Variants in RAP1GAP2 observed in about 807,000 individuals in gnomAD.
The protein encoded by RAP1GAP2 is rap1 GTPase-activating protein 2.
RAP1GAP2 carries 27 observed loss-of-function variants against 95.0 expected under a neutral mutation model. That is an observed-to-expected ratio of 0.28 (90% CI 0.21 to 0.39). The LOEUF is 0.39. RAP1GAP2 is among the 10% of genes least tolerant of loss of function. The pLI is 1.00. For synonymous variants in RAP1GAP2, 373 were observed against 380.9 expected (o/e 0.98, Z 0.24); for missense variants, 771 against 970.0 (o/e 0.79, Z 2.72).
intron 3 of RAP1GAP2, among the ~76,000 whole-genome samples, chr17:2,905,926 G>C (rs1267595091): frequency 6.6e-6 from 1 of 152,204 alleles, no homozygotes; most frequent in Non-Finnish European, 1.5e-5. Context: ...CTCACTCCTG[G>C]ACGGGAGCCG....
At position 2,905,266 on chromosome 17, in the gene RAP1GAP2, C is replaced by G. The variant is rs1371229480; in HGVS notation, c.81-18C>G. 3.7e-6 allele frequency: 6 copies of G among 1,612,846 alleles called. No individual in the cohort carries two copies. Among genetic ancestry groups the G allele is most frequent in the Non-Finnish European group, 5.1e-6 (6 of 1,179,228 alleles). On this transcript the variant is annotated intron_variant, in intron 2 of 24. Transcript: ENST00000254695. ...GGCGCAGGCAGGTCCTCACTCACCT[C>G]TTTTGGCCTCTTCACAGGAAGCAGG...
At chr17:2,974,281 G>A (rs377394319) in intron 8 of RAP1GAP2, among the ~76,000 whole-genome samples, 134 of 151,880 alleles carry the variant, frequency 8.8e-4, no homozygotes, top group African/African-American at 2.1e-3. Flanking sequence ...CCCAGGAGGC[G>A]GAGCTTGTAG....
chr17:2,779,089 C>G (rs1358775029), intron 1 of RAP1GAP2, among the ~76,000 whole-genome samples: 3 of 152,164 alleles, frequency 2.0e-5, no homozygotes, highest in Non-Finnish European at 1.5e-5. Context: ...GAAGCACTGT[C>G]CCATTGCACC....
At chr17:2,853,319 G>A (rs2071962914) in intron 2 of RAP1GAP2, among the ~76,000 whole-genome samples, 2 of 152,038 alleles carry the variant, frequency 1.3e-5, no homozygotes, top group African/African-American at 4.8e-5. Flanking sequence ...GGGACCGCGC[G>A]CGGGCAGTTT....
chr17:3,017,916 C>CGTGTGT (rs56791699), intron 17 of RAP1GAP2, 145 bp from the exon 18 acceptor site: 13,603 of 561,370 alleles, frequency 0.024, 78 homozygotes, highest in South Asian at 0.034. Flanking sequence ...CCTCTGTGAC[C>CGTGTGT]GTGTGTGTGT....
chr17:2,900,801 A>G (rs1567758038), intron 2 of RAP1GAP2, among the ~76,000 whole-genome samples: 1 of 152,244 alleles, frequency 6.6e-6, no homozygotes, highest in Non-Finnish European at 1.5e-5. Context: ...GATGAAGGAA[A>G]CAAGACACAA....
In RAP1GAP2 at chr17:2,796,580, C is replaced by T. The variant is rs1011601070; in HGVS notation, c.44+9C>T. On this transcript the variant is annotated intron_variant, in intron 1 of 24. Coordinates refer to ENST00000254695, the MANE Select transcript of RAP1GAP2 (RefSeq NM_015085.5). The surrounding 1 kb of genome is among the most constrained non-coding windows in gnomAD (Gnocchi z 4.7). ...TTTGGGGGCTTCGGATGGTGGGTGA[C>T]AGGTGGGAGGGTGGGGGAATGATGG... is the stretch of plus-strand genomic sequence containing the variant. 6.4e-7 allele frequency: 1 copy of T among 1,559,784 alleles called. No homozygotes were observed. Among genetic ancestry groups the T allele is most frequent in the Non-Finnish European group, 8.7e-7 (1 of 1,151,584 alleles).
chr17:2,829,019 G>A (rs138852039), intron 2 of RAP1GAP2, among the ~76,000 whole-genome samples: 3,637 of 119,604 alleles, frequency 0.03, 155 homozygotes, highest in African/African-American at 0.11. Flanking sequence ...ACCTCGCTCT[G>A]TCGCCCAGGC....
chr17:2,921,064 C>A (rs575685430), intron 3 of RAP1GAP2, among the ~76,000 whole-genome samples: 2 of 152,292 alleles, frequency 1.3e-5, no homozygotes, highest in African/African-American at 4.8e-5. Context: ...CGGAGCCCCC[C>A]CGGCAGACTC....
chr17:3,020,101 T>G (rs2046904562), intron 18 of RAP1GAP2, among the ~76,000 whole-genome samples: 1 of 152,192 alleles, frequency 6.6e-6, no homozygotes, highest in Non-Finnish European at 1.5e-5. Context: ...TCAGCTTCCT[T>G]GCCGGTAAAG....
Position 3,029,700 on chromosome 17 carries a change from TAAG to T in RAP1GAP2, c.2108-1221_2108-1219del, listed in dbSNP as rs1420822077. On this transcript the variant is annotated intron_variant, in intron 22 of 24. Coordinates refer to ENST00000254695, the MANE Select transcript of RAP1GAP2 (RefSeq NM_015085.5). The surrounding 1 kb of genome is among the most constrained non-coding windows in gnomAD (Gnocchi z 4.4). The stretch of plus-strand genomic sequence containing the variant: ...CCAGCAGCTTCCAGGAAGGCTGCAC[TAAG>T]CTTTCCATACCCTCGGCCAGAGGAC... Among the ~76,000 whole-genome samples, 1 of 152,130 alleles carries T rather than the reference TAAG, an allele frequency of 6.6e-6. No individual in the cohort carries two copies. Among genetic ancestry groups the T allele is most frequent in the Non-Finnish European group, 1.5e-5 (1 of 68,032 alleles).
chr17:3,026,168 CT>C, intron 20 of RAP1GAP2, 47 bp downstream of exon 20: 1 of 1,461,096 alleles, frequency 6.8e-7, no homozygotes, highest in Non-Finnish European at 9.5e-7. Flanking sequence ...ACGTGGAGCC[CT>C]GGAACACGCC....
chr17:2,856,274 G>T (rs2072131406), intron 2 of RAP1GAP2, among the ~76,000 whole-genome samples: 1 of 152,130 alleles, frequency 6.6e-6, no homozygotes, highest in Admixed American at 6.5e-5. Flanking sequence ...TGGTTGGGGG[G>T]TGGAGAGGAA....
At chr17:2,808,630 C>T (rs896432634) in intron 2 of RAP1GAP2, among the ~76,000 whole-genome samples, 4 of 152,152 alleles carry the variant, frequency 2.6e-5, no homozygotes, top group Non-Finnish European at 5.9e-5. Context: ...GAGCACTGGC[C>T]GGTGTGGCCG....
rs61451978 is a variant in RAP1GAP2 at position 2,760,600 on chromosome 17, C to T, written c.50+4833C>T. On this transcript the variant is annotated intron_variant, in intron 1 of 25. Transcript: ENST00000637138. The stretch of plus-strand genomic sequence containing the variant: ...AGGTGATCCATCGACCTTGGCCTCC[C>T]AGAGTGCTGGGATTACAGGCGTGAG... Among the ~76,000 whole-genome samples, 998 of 151,544 alleles carry T rather than the reference C, an allele frequency of 6.6e-3. 8 individuals are homozygous for T. The highest frequency in any genetic ancestry group is 0.023 in the African/African-American group (939 of 41,488).
At position 3,027,550 on chromosome 17, in the gene RAP1GAP2, C is replaced by T. The variant is rs112559941; in HGVS notation, c.2107+480C>T. 0.19 allele frequency among the ~76,000 whole-genome samples: 28,664 copies of T among 151,816 alleles called. 2,862 individuals are homozygous for T. Among genetic ancestry groups the T allele is most frequent in the Middle Eastern group, 0.24 (69 of 292 alleles). ...AGAGAGCGGGTATTCCGGAACTGCA[C>T]GTGTTCATGGCAGCTGGGTTCACAG... is the stretch of plus-strand genomic sequence containing the variant. On this transcript the variant is annotated intron_variant, in intron 22 of 24. Coordinates refer to ENST00000254695, the MANE Select transcript of RAP1GAP2 (RefSeq NM_015085.5). This position sits in a 1 kb window ranked among gnomAD's most constrained non-coding sequence, Gnocchi z 5.2.
chr17:2,950,074 G>A (rs2043863291), intron 3 of RAP1GAP2, among the ~76,000 whole-genome samples: 1 of 34,226 alleles, frequency 2.9e-5, no homozygotes, highest in Non-Finnish European at 6.2e-5. Context: ...TTTTTTTTGA[G>A]ATGGAGTCTT....
intron 3 of RAP1GAP2, among the ~76,000 whole-genome samples, chr17:2,911,712 G>GGGGGGGGGTGGT (rs763105935): frequency 7.2e-6 from 1 of 138,328 alleles, no homozygotes; most frequent in African/African-American, 2.7e-5. Flanking sequence ...GGCGGGGTGG[G>GGGGGGGGGTGGT]GCAGCCGGAA....
Position 2,988,454 on chromosome 17 carries a change from G to A in RAP1GAP2, c.814-2843G>A, listed in dbSNP as rs558093602. 4.6e-5 allele frequency among the ~76,000 whole-genome samples: 7 copies of A among 152,220 alleles called. No individual in the cohort carries two copies. The East Asian group carries it at 1.2e-3, about 25-fold the overall frequency. Reference sequence around the variant, plus strand: ...TCTAAAACATTGTTATTTCAAAAATGGTATATAAATGTAGTCATATAGTGT... The same window carrying A: ...TCTAAAACATTGTTATTTCAAAAATAGTATATAAATGTAGTCATATAGTGT... On this transcript the variant is annotated intron_variant, in intron 11 of 24. Transcript: ENST00000254695.
Sources: allele counts gnomAD v4.1 joint callset (sites outside exome capture counted in the v4.1 genomes callset), GRCh38; gene constraint gnomAD v4.1.1; non-coding constraint Gnocchi (gnomAD v3.1); transcripts MANE v1.5; gene names NCBI Gene and HGNC (gene_info 2026-07-23, HGNC 2026-07-21).